Variants in SLC9A2 observed in about 807,000 individuals in gnomAD.
SLC9A2 encodes the protein solute carrier family 9 member A2.
A neutral mutation model predicts 71.7 loss-of-function variants in SLC9A2; 42 were observed. The ratio of observed to expected loss-of-function variants is 0.59; its 90% confidence interval spans 0.46 to 0.76. The LOEUF is 0.76. Ranked by LOEUF, SLC9A2 falls within the 30% of genes least tolerant of loss-of-function variation. The pLI, the probability that SLC9A2 is intolerant of heterozygous loss-of-function variation, is 0.00. For missense variants in SLC9A2, 829 were observed against 1,017.4 expected (o/e 0.81, Z 2.52); for synonymous variants, 396 against 392.5 (o/e 1.01, Z -0.10).
intron 1 of SLC9A2, among the ~76,000 whole-genome samples, chr2:102,625,562 C>G (rs997108009): frequency 4.0e-5 from 6 of 150,486 alleles, no homozygotes; most frequent in Non-Finnish European, 8.8e-5. Context: ...TGAGTGAGAA[C>G]ATGAGGTGTT....
At position 102,675,997 on chromosome 2, in the gene SLC9A2, A is replaced by T. The variant is rs145035167; in HGVS notation, c.1005-7264A>T. Among the ~76,000 whole-genome samples, 458 of 152,352 alleles carry T rather than the reference A, an allele frequency of 3.0e-3. 1 individual carries two copies. Among genetic ancestry groups the T allele is most frequent in the African/African-American group, 0.011 (437 of 41,576 alleles). On this transcript the variant is annotated intron_variant, in intron 3 of 11. Coordinates refer to ENST00000233969, the MANE Select transcript of SLC9A2 (RefSeq NM_003048.6). The stretch of plus-strand genomic sequence containing the variant: ...TATAGGCCTTGGATGGGGCACAGGC[A>T]TTTGTAGTTTTGCAACATTTACACG...
intron 1 of SLC9A2, among the ~76,000 whole-genome samples, chr2:102,654,709 C>T (rs560319581): frequency 1.3e-5 from 2 of 152,086 alleles, no homozygotes; most frequent in African/African-American, 4.8e-5. Flanking sequence ...CATCATTAGG[C>T]GATTTTGTCA....
At chr2:102,702,087 TA>T (rs1677884105) in intron 8 of SLC9A2, among the ~76,000 whole-genome samples, 1 of 152,236 alleles carries the variant, frequency 6.6e-6, no homozygotes, top group Non-Finnish European at 1.5e-5. Flanking sequence ...TGGAGAAAAC[TA>T]TTCTATTTTA....
At chr2:102,700,232 C>T (rs1341955736) in intron 7 of SLC9A2, among the ~76,000 whole-genome samples, 2 of 152,060 alleles carry the variant, frequency 1.3e-5, no homozygotes, top group Non-Finnish European at 2.9e-5. Context: ...GAGTAAGTAG[C>T]CAAAAGCTCA....
chr2:102,678,772 A>G (rs1328299950), intron 3 of SLC9A2, among the ~76,000 whole-genome samples: 6 of 152,276 alleles, frequency 3.9e-5, no homozygotes, highest in Non-Finnish European at 1.5e-5. Flanking sequence ...ATTCTTTTAG[A>G]GAAATGGAGA....
At chr2:102,637,365 A>G (rs752071949) in intron 1 of SLC9A2, among the ~76,000 whole-genome samples, 1 of 152,200 alleles carries the variant, frequency 6.6e-6, no homozygotes, top group African/African-American at 2.4e-5. Context: ...GATAGAATAC[A>G]TGCTGAAATA....
At chr2:102,624,938 T>G (rs891471316) in intron 1 of SLC9A2, among the ~76,000 whole-genome samples, 1 of 152,192 alleles carries the variant, frequency 6.6e-6, no homozygotes. Context: ...TGAAAAAAAC[T>G]TATCCTTGCA....
At chr2:102,683,179 A>C in intron 3 of SLC9A2, 82 bp from the exon 4 acceptor site, 1 of 913,282 alleles carries the variant, frequency 1.1e-6, no homozygotes. Flanking sequence ...GTAGAGCCAT[A>C]ATTTAGCTCT....
chr2:102,665,056 A>C, intron 2 of SLC9A2, 44 bp from the exon 3 acceptor site: 1 of 1,579,554 alleles, frequency 6.3e-7, no homozygotes, highest in Non-Finnish European at 8.6e-7. Context: ...GACAATGGGG[A>C]AATGGGAAAG....
At chr2:102,621,297 A>G (rs1328815672) in intron 1 of SLC9A2, among the ~76,000 whole-genome samples, 3 of 150,930 alleles carry the variant, frequency 2.0e-5, no homozygotes, top group Non-Finnish European at 2.9e-5. Context: ...GCAGTGAGCC[A>G]TGAATGGCAC....
intron 3 of SLC9A2, among the ~76,000 whole-genome samples, chr2:102,669,859 C>T (rs370786187): frequency 6.0e-4 from 92 of 152,148 alleles, no homozygotes; most frequent in African/African-American, 1.7e-3. Context: ...TTCTGATCCT[C>T]CCCTTCTACC....
chr2:102,620,893 G>A (rs533235638), intron 1 of SLC9A2, among the ~76,000 whole-genome samples: 13 of 151,956 alleles, frequency 8.6e-5, no homozygotes, highest in Middle Eastern at 3.2e-3. Flanking sequence ...AAAATTGGCC[G>A]GGCGAGGTGA....
At chr2:102,662,739 G>A (rs150558491) in intron 2 of SLC9A2, among the ~76,000 whole-genome samples, 1,536 of 151,506 alleles carry the variant, frequency 0.01, 24 homozygotes, top group African/African-American at 0.036. Context: ...ATCCTTTGCA[G>A]TCTGAAGTGT....
chr2:102,682,339 G>A (rs965120189), intron 3 of SLC9A2, among the ~76,000 whole-genome samples: 2 of 152,190 alleles, frequency 1.3e-5, no homozygotes, highest in Non-Finnish European at 2.9e-5. Flanking sequence ...TGTGTAGTAA[G>A]GCAAGAAGAC....
At chr2:102,636,781 A>G (rs1676476481) in intron 1 of SLC9A2, among the ~76,000 whole-genome samples, 1 of 152,194 alleles carries the variant, frequency 6.6e-6, no homozygotes, top group Non-Finnish European at 1.5e-5. Context: ...CAGAGTCTTT[A>G]TCAGCACTGG....
chr2:102,688,318 A>G (rs1231110105), intron 5 of SLC9A2, among the ~76,000 whole-genome samples: 1 of 152,186 alleles, frequency 6.6e-6, no homozygotes, highest in African/African-American at 2.4e-5. Context: ...CAGTTTACTT[A>G]GCTGTAAAAT....
intron 2 of SLC9A2, among the ~76,000 whole-genome samples, chr2:102,660,307 C>T (rs1259146462): frequency 2.6e-5 from 4 of 152,156 alleles, no homozygotes; most frequent in Non-Finnish European, 5.9e-5. Flanking sequence ...GGTGGAAGCT[C>T]TTATCAAGGA....
intron 7 of SLC9A2, among the ~76,000 whole-genome samples, chr2:102,696,343 G>A (rs1305952666): frequency 6.6e-6 from 1 of 152,028 alleles, no homozygotes; most frequent in East Asian, 1.9e-4. Flanking sequence ...AACTATATTT[G>A]GTAGATCCCT....
At chr2:102,657,205 CA>C (rs529437859) in intron 1 of SLC9A2, among the ~76,000 whole-genome samples, 10,938 of 146,238 alleles carry the variant, frequency 0.075, 657 homozygotes, top group African/African-American at 0.16. Context: ...GACTCCATCT[CA>C]AAAAAAAAAA....
Sources: gnomAD v4.1 joint callset for allele counts (sites outside exome capture counted in the v4.1 genomes callset) on GRCh38, gnomAD v4.1.1 for gene constraint, MANE v1.5 for transcripts, NCBI Gene and HGNC (gene_info 2026-07-23, HGNC 2026-07-21) for gene names.